The following SAMMSON variants were observed in gnomAD, a reference collection of about 807,000 sequenced individuals.
The protein encoded by SAMMSON is long intergenic non-protein coding RNA 1212.
chr3:70,327,988 C>T (rs568314562), intron 7 of SAMMSON, among the ~76,000 whole-genome samples: 3 of 152,278 alleles, frequency 2.0e-5, no homozygotes, highest in Non-Finnish European at 2.9e-5. Context: ...TTAATAGACT[C>T]ACAGTTCCAC....
chr3:70,346,209 T>A (rs1375688572), intron 7 of SAMMSON, among the ~76,000 whole-genome samples: 1 of 152,126 alleles, frequency 6.6e-6, no homozygotes, highest in African/African-American at 2.4e-5. Flanking sequence ...GTTGTTTTAA[T>A]TTGCCTTTCC....
At chr3:70,249,869 T>C (rs1216892161) in intron 6 of SAMMSON, among the ~76,000 whole-genome samples, 3 of 152,146 alleles carry the variant, frequency 2.0e-5, no homozygotes, top group African/African-American at 7.2e-5. Flanking sequence ...CTTTATTTGC[T>C]AACGTTAATA....
At chr3:70,264,179 A>G (rs1159875253) in intron 6 of SAMMSON, among the ~76,000 whole-genome samples, 1 of 152,236 alleles carries the variant, frequency 6.6e-6, no homozygotes, top group Non-Finnish European at 1.5e-5. Context: ...ATTTTAAAAT[A>G]TATACAGATG....
intron 4 of SAMMSON, among the ~76,000 whole-genome samples, chr3:70,097,388 G>A (rs1156492075): frequency 3.9e-5 from 6 of 152,234 alleles, no homozygotes; most frequent in East Asian, 1.9e-4. Flanking sequence ...GCACAAAATT[G>A]TGGATGAACC....
At chr3:70,376,809 T>C (rs531032487) in intron 9 of SAMMSON, among the ~76,000 whole-genome samples, 1 of 152,298 alleles carries the variant, frequency 6.6e-6, no homozygotes, top group Non-Finnish European at 1.5e-5. Flanking sequence ...TTTTTTAAAA[T>C]ATTTCCTTTT....
intron 6 of SAMMSON, among the ~76,000 whole-genome samples, chr3:70,265,476 A>G (rs918941037): frequency 2.1e-5 from 3 of 143,050 alleles, no homozygotes; most frequent in Admixed American, 7.0e-5. Flanking sequence ...ACCCTGCTCC[A>G]TGCTACCTCC....
chr3:70,139,576 T>A (rs1297276598), intron 4 of SAMMSON, among the ~76,000 whole-genome samples: 1 of 152,162 alleles, frequency 6.6e-6, no homozygotes, highest in Non-Finnish European at 1.5e-5. Flanking sequence ...GCCATGCCTC[T>A]ACAGCTTTGC....
intron 4 of SAMMSON, among the ~76,000 whole-genome samples, chr3:70,173,271 G>A (rs13094949): frequency 0.55 from 84,045 of 151,624 alleles, 24,445 homozygotes; most frequent in Non-Finnish European, 0.62. Flanking sequence ...TACCTTTAAA[G>A]TAGTCTCTGT....
At chr3:70,045,180 TCGTTAATTATAA>T (rs1397147408) in intron 3 of SAMMSON, among the ~76,000 whole-genome samples, 1 of 133,546 alleles carries the variant, frequency 7.5e-6, no homozygotes, top group Non-Finnish European at 1.6e-5. Context: ...TTTATATATA[TCGTTAATTATAA>T]TATTAATTAT....
At chr3:70,337,165 CTT>C (rs1228378433) in intron 7 of SAMMSON, among the ~76,000 whole-genome samples, 2 of 56,686 alleles carry the variant, frequency 3.5e-5, no homozygotes, top group African/African-American at 5.6e-5. Flanking sequence ...TAATATCTAA[CTT>C]AATATAATAT....
At chr3:70,125,572 A>C in intron 4 of SAMMSON, 1 of 697,740 alleles carries the variant, frequency 1.4e-6, no homozygotes, top group Admixed American at 2.0e-5. Flanking sequence ...TAACAGGTAG[A>C]TCATTATTTT....
intron 3 of SAMMSON, among the ~76,000 whole-genome samples, chr3:70,046,773 G>A (rs1258113911): frequency 6.6e-6 from 1 of 152,026 alleles, no homozygotes; most frequent in Non-Finnish European, 1.5e-5. Flanking sequence ...GAGGTCTAGG[G>A]GATAATTTAT....
intron 4 of SAMMSON, among the ~76,000 whole-genome samples, chr3:70,212,584 C>A (rs1476535067): frequency 2.0e-5 from 3 of 152,098 alleles, no homozygotes; most frequent in African/African-American, 4.8e-5. Flanking sequence ...ATCTTCTCTG[C>A]CCTCACATCT....
intron 7 of SAMMSON, among the ~76,000 whole-genome samples, chr3:70,295,598 A>G (rs1050676433): frequency 6.6e-6 from 1 of 152,054 alleles, no homozygotes; most frequent in Admixed American, 6.6e-5. Context: ...ATTCCTAAGT[A>G]CTTGGGAGAC....
At chr3:70,410,181 G>A (rs1400590095) in intron 2 of SAMMSON, among the ~76,000 whole-genome samples, 4 of 152,202 alleles carry the variant, frequency 2.6e-5, no homozygotes, top group Admixed American at 6.5e-5. Context: ...TCATGCTGTC[G>A]GCATCCATGT....
chr3:70,186,967 T>C (rs1701096463), intron 4 of SAMMSON, among the ~76,000 whole-genome samples: 2 of 152,176 alleles, frequency 1.3e-5, no homozygotes, highest in African/African-American at 4.8e-5. Flanking sequence ...TTTGATTCAG[T>C]CAATGTCTTC....
intron 4 of SAMMSON, among the ~76,000 whole-genome samples, chr3:70,215,117 T>G (rs1318584320): frequency 1.3e-5 from 2 of 152,138 alleles, no homozygotes; most frequent in African/African-American, 4.8e-5. Flanking sequence ...ATCCGAACTA[T>G]TTGAATGTCA....
chr3:70,064,923 T>G (rs1447721005), intron 3 of SAMMSON, among the ~76,000 whole-genome samples: 2 of 152,092 alleles, frequency 1.3e-5, no homozygotes, highest in African/African-American at 4.8e-5. Context: ...TGCTAAAATA[T>G]CCAACGTAAA....
At chr3:70,145,637 T>C (rs2067545522) in intron 4 of SAMMSON, among the ~76,000 whole-genome samples, 1 of 146,294 alleles carries the variant, frequency 6.8e-6, no homozygotes, top group Non-Finnish European at 1.5e-5. Flanking sequence ...ATTTGGAATA[T>C]ATTTTGAACT....
Sources: allele counts gnomAD v4.1 joint callset (sites outside exome capture counted in the v4.1 genomes callset), GRCh38; gene constraint gnomAD v4.1.1; transcripts MANE v1.5; gene names NCBI Gene and HGNC (gene_info 2026-07-23, HGNC 2026-07-21).